Variants in HEXA observed in about 807,000 individuals in gnomAD.
The protein encoded by HEXA is hexosaminidase subunit alpha.
Under a neutral mutation model 73.3 loss-of-function variants are expected in HEXA, and 54 were observed. The observed-to-expected ratio is 0.74, with a 90% CI of 0.59 to 0.92. HEXA has a LOEUF of 0.92. Ranked by LOEUF, HEXA falls within the 40% of genes least tolerant of loss-of-function variation. The pLI, the probability that HEXA is intolerant of heterozygous loss-of-function variation, is 0.00. For missense variants in HEXA, 649 were observed against 653.0 expected (o/e 0.99, Z 0.07); for synonymous variants, 230 against 246.9 (o/e 0.93, Z 0.64).
Position 72,348,526 on chromosome 15 carries a change from G to A in HEXA, c.987-392C>T, listed in dbSNP as rs551549732. 4.6e-5 allele frequency among the ~76,000 whole-genome samples: 7 copies of A among 152,292 alleles called. No individual in the cohort carries two copies. In the South Asian group the frequency reaches 1.5e-3, roughly 32 times the overall value. On this transcript the variant is annotated intron_variant, in intron 8 of 13. Coordinates refer to ENST00000268097, the MANE Select transcript of HEXA (RefSeq NM_000520.6). The stretch of plus-strand genomic sequence containing the variant: ...CTAACACCTGCTGCAGATCCCTTGC[G>A]TTATGACGTCCACATTTTGCTCACA...
chr15:72,372,899 A>G (rs2089011989), intron 1 of HEXA, among the ~76,000 whole-genome samples: 1 of 152,244 alleles, frequency 6.6e-6, no homozygotes, highest in Non-Finnish European at 1.5e-5. Flanking sequence ...TTGGTAGGCC[A>G]AAGCAGGGGG....
chr15:72,356,480 G>A (rs1426125573), intron 2 of HEXA, 45 bp downstream of exon 2: 1 of 1,608,052 alleles, frequency 6.2e-7, no homozygotes, highest in Non-Finnish European at 8.5e-7. Context: ...TACAGCTTCA[G>A]ACAAGTGTTT....
intron 1 of HEXA, among the ~76,000 whole-genome samples, chr15:72,370,920 C>T (rs1050725286): frequency 1.3e-5 from 2 of 152,182 alleles, no homozygotes; most frequent in Non-Finnish European, 2.9e-5. Context: ...CCAGAAACCC[C>T]TTCATGAGAA....
chr15:72,367,163 G>A (rs1414462134), intron 1 of HEXA, among the ~76,000 whole-genome samples: 1 of 151,932 alleles, frequency 6.6e-6, no homozygotes, highest in Non-Finnish European at 1.5e-5. Context: ...GACTGGTCTC[G>A]AACTCTCGAC....
At chr15:72,365,138 G>C (rs967943062) in intron 1 of HEXA, among the ~76,000 whole-genome samples, 2 of 152,196 alleles carry the variant, frequency 1.3e-5, no homozygotes, top group Admixed American at 1.3e-4. Context: ...CGCCCAGGCT[G>C]GAGTGCAATG....
Position 72,353,126 on chromosome 15 carries a change from C to G in HEXA, c.512G>C (p.Gly171Ala). Reference sequence around the variant, plus strand: ...ATGGCGAGATGTATCCAACAGCAAGCCCCGGTGAGGAAAGCGGGGAAAGTC... The same window carrying G: ...ATGGCGAGATGTATCCAACAGCAAGGCCCGGTGAGGAAAGCGGGGAAAGTC... ...IEDFPRFPHR[G>A]LLLDTSRHYL... The change falls in exon 5 of 14, where the codon GGC becomes GCC. Residue 171 changes from glycine to alanine, a missense_variant. Coordinates refer to ENST00000268097, the MANE Select transcript of HEXA (RefSeq NM_000520.6). The G allele has an allele frequency of 6.2e-7, 1 of 1,613,768 alleles. No homozygotes were observed. Among genetic ancestry groups the G allele is most frequent in the Non-Finnish European group, 8.5e-7 (1 of 1,179,720 alleles).
rs28471053 is a variant in HEXA at position 72,349,011 on chromosome 15, C to T, written c.986+68G>A. On this transcript the variant is annotated intron_variant, in intron 8 of 13. Transcript: ENST00000268097. The stretch of plus-strand genomic sequence containing the variant: ...GCAGCAGCTGAGCTAAGCAGCCCCT[C>T]GGGTGCTAACTTCTATTCTGAGTAA... The T allele has an allele frequency of 0.016, 21,361 of 1,313,598 alleles. 1,485 individuals carry two copies. In the African/African-American group the frequency reaches 0.18, roughly 11 times the overall value. 81.4% of individuals were successfully genotyped at this position (1,313,598 alleles called of 1,614,324 possible).
chr15:72,375,911 G>GTC lies in HEXA; in HGVS notation c.60_61dup (p.Thr21ArgfsTer80), dbSNP rs1057517296. On this transcript the variant is annotated frameshift_variant, in exon 1 of 14. Coordinates refer to ENST00000268097, the MANE Select transcript of HEXA (RefSeq NM_000520.6). LOFTEE classifies it high-confidence loss of function. ...GTTCTGAGGCCAGGGCCAGAGGGCC[G>GTC]TCGCCCGTCCTGCGAACGCTGCCGC... 6.2e-7 allele frequency: 1 copy of GTC among 1,614,168 alleles called. No individual in the cohort carries two copies. The highest frequency in any genetic ancestry group is 1.7e-5 in the Admixed American group (1 of 60,034).
chr15:72,356,701 G>A (rs2088788345), intron 1 of HEXA, 84 bp from the exon 2 acceptor site: 1 of 1,589,714 alleles, frequency 6.3e-7, no homozygotes, highest in Admixed American at 1.8e-5. Flanking sequence ...TAGTCCCTCA[G>A]CTCACACGCC....
intron 2 of HEXA, 81 bp downstream of exon 2, chr15:72,356,444 G>A: frequency 6.8e-7 from 1 of 1,478,856 alleles, no homozygotes; most frequent in Non-Finnish European, 9.4e-7. Context: ...CCGAGCATCA[G>A]CAGTTTAGGC....
In HEXA at chr15:72,371,196, GC is replaced by G. The variant is rs549596731; in HGVS notation, c.253+4523del. On this transcript the variant is annotated intron_variant, in intron 1 of 13. Transcript: ENST00000268097. Reference sequence around the variant, plus strand: ...TCTCTCACTGCATGCTGAGTTAAGAGCAGCACGAGTTGGGATCACACAATAA... The same window carrying G: ...TCTCTCACTGCATGCTGAGTTAAGAGAGCACGAGTTGGGATCACACAATAA... Among the ~76,000 whole-genome samples, 470 of 152,270 alleles carry G rather than the reference GC, an allele frequency of 3.1e-3. 2 individuals carry two copies. The highest frequency in any genetic ancestry group is 5.5e-3 in the Non-Finnish European group (371 of 68,028).
chr15:72,363,824 T>C (rs767149653), intron 1 of HEXA, among the ~76,000 whole-genome samples: 2 of 152,198 alleles, frequency 1.3e-5, no homozygotes, highest in Non-Finnish European at 2.9e-5. Flanking sequence ...AAAACTGATC[T>C]GTCCCTCCCA....
chr15:72,352,818 C>T (rs2088718120), intron 5 of HEXA, among the ~76,000 whole-genome samples: 1 of 152,188 alleles, frequency 6.6e-6, no homozygotes, highest in South Asian at 2.1e-4. Flanking sequence ...CATGCACCAC[C>T]ATGCCCAGCT....
intron 3 of HEXA, chr15:72,355,021 GGACA>G (rs2088755698): frequency 6.1e-6 from 1 of 164,118 alleles, no homozygotes; most frequent in African/African-American, 2.4e-5. Context: ...AGCAAGAGCT[GGACA>G]GACAGTGTCT....
At chr15:72,350,708 G>A (rs1292630877) in intron 6 of HEXA, 58 bp from the exon 7 acceptor site, 1 of 1,607,084 alleles carries the variant, frequency 6.2e-7, no homozygotes, top group Non-Finnish European at 8.5e-7. Flanking sequence ...CAGAGTAGAA[G>A]ATACTCAAAA....
At chr15:72,364,538 A>G (rs775254143) in intron 1 of HEXA, among the ~76,000 whole-genome samples, 36 of 152,212 alleles carry the variant, frequency 2.4e-4, no homozygotes, top group Non-Finnish European at 4.1e-4. Context: ...AAATATTCAT[A>G]TATATGTATA....
chr15:72,374,907 C>T (rs2089039932), intron 1 of HEXA, among the ~76,000 whole-genome samples: 1 of 152,086 alleles, frequency 6.6e-6, no homozygotes, highest in Non-Finnish European at 1.5e-5. Flanking sequence ...GAACTTTGAA[C>T]TCAATCATAA....
chr15:72,346,586 C>G lies in HEXA; in HGVS notation c.1271G>C (p.Arg424Pro). The change falls in exon 11 of 14, where the codon CGT (arginine) becomes CCT (proline). Residue 424 changes from arginine (R) to proline (P), a missense_variant. By Grantham distance (103) the Arg-to-Pro change is moderately radical. Transcript: ENST00000268097. ...CTTCCAGTCAGGGCCATAGGATATA[C>G]GGTTCAGGTACCAGGGGGCAGAGAG... ...ALLSAPWYLN[R>P]ISYGPDWKDF... The G allele has an allele frequency of 6.2e-7, 1 of 1,613,850 alleles. No homozygotes were observed. Among genetic ancestry groups the G allele is most frequent in the African/African-American group, 1.3e-5 (1 of 75,038 alleles).
intron 1 of HEXA, among the ~76,000 whole-genome samples, chr15:72,374,068 T>C (rs954300437): frequency 1.4e-5 from 2 of 146,200 alleles, no homozygotes; most frequent in African/African-American, 4.9e-5. Context: ...GGAAACAACC[T>C]ATAAAGCTTT....
Sources: allele counts gnomAD v4.1 joint callset (sites outside exome capture counted in the v4.1 genomes callset), GRCh38; gene constraint gnomAD v4.1.1; transcripts MANE v1.5; gene names NCBI Gene and HGNC (gene_info 2026-07-23, HGNC 2026-07-21).